DRC4: variants seen among roughly 807,000 people sequenced by gnomAD.
DRC4 encodes the protein dynein regulatory complex subunit 4, also known as GAS-11.
At chr16:90,042,616 C>A in the DRC4 span, 1 of 1,133,716 alleles carries the variant, frequency 8.8e-7, no homozygotes, top group South Asian at 1.2e-5. Context: ...TCTGAGGACC[C>A]CACCTGTGCC....
the DRC4 span, among the ~76,000 whole-genome samples, chr16:90,034,766 C>T: frequency 6.1e-4 from 92 of 151,608 alleles, no homozygotes; most frequent in African/African-American, 2.1e-3. Flanking sequence ...CTCTGTCTCC[C>T]GGGCTGCAGT....
At chr16:90,034,958 C>T in the DRC4 span, among the ~76,000 whole-genome samples, 1 of 128,250 alleles carries the variant, frequency 7.8e-6, no homozygotes, top group Admixed American at 9.8e-5. Flanking sequence ...GGCTGGAGTG[C>T]AGTGGCACAA....
chr16:90,038,933 T>C, the DRC4 span, among the ~76,000 whole-genome samples: 14 of 152,236 alleles, frequency 9.2e-5, no homozygotes, highest in Non-Finnish European at 1.6e-4. Context: ...GCCGCAGTTA[T>C]ATGTGCTGTT....
At chr16:90,023,028 G>C in the DRC4 span, among the ~76,000 whole-genome samples, 9 of 152,178 alleles carry the variant, frequency 5.9e-5, no homozygotes, top group Non-Finnish European at 1.0e-4. Flanking sequence ...GTGAACATGC[G>C]TCAAGGGGAC....
the DRC4 span, chr16:90,032,770 C>G: frequency 6.2e-7 from 1 of 1,613,936 alleles, no homozygotes; most frequent in Non-Finnish European, 8.5e-7. Context: ...AACAACCTGA[C>G]AGAGATGAAG....
At chr16:90,029,609 C>T in the DRC4 span, 2 of 262,956 alleles carry the variant, frequency 7.6e-6, no homozygotes, top group Admixed American at 5.2e-5. Flanking sequence ...CTCATGTCTG[C>T]CCGGCATCCT....
chr16:90,024,140 TCACACA>T, the DRC4 span, among the ~76,000 whole-genome samples: 87 of 143,934 alleles, frequency 6.0e-4, no homozygotes, highest in Middle Eastern at 3.8e-3. Flanking sequence ...ACACACACAC[TCACACA>T]CACACACACA....
the DRC4 span, among the ~76,000 whole-genome samples, chr16:90,025,511 G>A: frequency 2.0e-5 from 3 of 151,268 alleles, no homozygotes; most frequent in Non-Finnish European, 4.4e-5. Context: ...TTAGCCGGAC[G>A]TGGTGGTGGG....
the DRC4 span, chr16:90,042,768 G>A: frequency 1.2e-5 from 7 of 560,584 alleles, no homozygotes. Context: ...GGTGTAGGGG[G>A]GGACCTGGAC....
At chr16:90,027,851 G>A in the DRC4 span, 1,380 of 809,924 alleles carry the variant, frequency 1.7e-3, 2 homozygotes, top group Admixed American at 3.0e-3. Context: ...CGCCCCCCGC[G>A]TGGCCCATAA....
chr16:90,025,967 A>G, the DRC4 span, among the ~76,000 whole-genome samples: 2 of 152,132 alleles, frequency 1.3e-5, no homozygotes, highest in African/African-American at 4.8e-5. Context: ...AAAACGTTAC[A>G]TAGCTGGGCA....
chr16:90,028,309 C>T, the DRC4 span, among the ~76,000 whole-genome samples: 12 of 151,252 alleles, frequency 7.9e-5, no homozygotes, highest in Non-Finnish European at 1.8e-4. Context: ...CTCAGCCTCC[C>T]GAGTAGCTGG....
the DRC4 span, among the ~76,000 whole-genome samples, chr16:90,035,131 G>A: frequency 1.3e-5 from 2 of 152,012 alleles, no homozygotes; most frequent in Admixed American, 6.6e-5. Flanking sequence ...TTAAACTCCC[G>A]ACCTCAGGTG....
At chr16:90,043,005 C>T in the DRC4 span, 2 of 594,558 alleles carry the variant, frequency 3.4e-6, no homozygotes, top group African/African-American at 1.9e-5. Context: ...CAGCCTCTCC[C>T]TGTCGTGCTA....
At chr16:90,024,652 TC>T in the DRC4 span, among the ~76,000 whole-genome samples, 1 of 152,066 alleles carries the variant, frequency 6.6e-6, no homozygotes, top group African/African-American at 2.4e-5. Context: ...GGACTCCAGC[TC>T]TTTCTCTTTT....
chr16:90,041,611 C>G, the DRC4 span, among the ~76,000 whole-genome samples: 11 of 152,158 alleles, frequency 7.2e-5, no homozygotes, highest in Non-Finnish European at 1.3e-4. Flanking sequence ...CAAGACCAGC[C>G]TGGCCAAGAT....
the DRC4 span, chr16:90,037,149 A>C: frequency 7.1e-7 from 1 of 1,405,054 alleles, no homozygotes; most frequent in Non-Finnish European, 9.5e-7. Flanking sequence ...TGGGCAGGAG[A>C]GCACCCAGCT....
chr16:90,025,649 CAAA>C, the DRC4 span, among the ~76,000 whole-genome samples: 100 of 45,924 alleles, frequency 2.2e-3, 1 homozygote, highest in African/African-American at 7.2e-3. Flanking sequence ...GACTCTGTCT[CAAA>C]AAAAAAAAAA....
chr16:90,023,596 G>GC, the DRC4 span, among the ~76,000 whole-genome samples: 96 of 138,112 alleles, frequency 7.0e-4, 5 homozygotes, highest in Middle Eastern at 7.1e-3. Context: ...TCTTGGAGTG[G>GC]AGGGATTAAA....
Sources: gnomAD v4.1 joint callset for allele counts (sites outside exome capture counted in the v4.1 genomes callset) on GRCh38, gnomAD v4.1.1 for gene constraint, MANE v1.5 for transcripts, NCBI Gene and HGNC (gene_info 2026-07-23, HGNC 2026-07-21) for gene names.